The following B3GAT3 variants were observed in gnomAD, a reference collection of about 807,000 sequenced individuals.
B3GAT3 encodes the protein galactosylgalactosylxylosylprotein 3-beta-glucuronosyltransferase 3.
A neutral mutation model predicts 33.1 loss-of-function variants in B3GAT3; 19 were observed. The observed-to-expected ratio is 0.57, with a 90% CI of 0.40 to 0.84. The LOEUF (loss-of-function observed/expected upper bound fraction) is 0.84. B3GAT3 is among the 40% of genes least tolerant of loss of function. The pLI is 0.00. For missense variants in B3GAT3, 344 were observed against 441.5 expected (o/e 0.78, Z 1.98); for synonymous variants, 167 against 193.5 (o/e 0.86, Z 1.14).
Position 62,616,776 on chromosome 11 carries a change from G to C in B3GAT3, c.639C>G (p.Val213=), listed in dbSNP as rs757015238. 6.2e-7 allele frequency: 1 copy of C among 1,614,074 alleles called. No homozygotes were observed. The highest frequency in any genetic ancestry group is 1.7e-5 in the Admixed American group (1 of 60,020). ...LFEEMRWTRG[V]SVWPVGLVGG... is the part of the protein sequence containing the mutation. The stretch of plus-strand genomic sequence containing the variant: ...CCACCAGCCCCACAGGCCACACTGA[G>C]ACACCACGGGTCCAGCGCATCTAAC... The change falls in exon 4 of 5, where the codon GTC becomes GTG. Residue 213 remains valine, a synonymous_variant. Transcript: ENST00000265471.
At chr11:62,617,462 C>A in intron 2 of B3GAT3, 115 bp from the exon 3 acceptor site, 1 of 1,419,892 alleles carries the variant, frequency 7.0e-7, no homozygotes, top group Non-Finnish European at 9.7e-7. Context: ...CCTTCCCAAC[C>A]AATGCCTAAA....
At chr11:62,618,876 G>T (rs574143024) in intron 2 of B3GAT3, among the ~76,000 whole-genome samples, 1 of 152,046 alleles carries the variant, frequency 6.6e-6, no homozygotes, top group Admixed American at 6.6e-5. Flanking sequence ...CCAGCTACTC[G>T]GGGGGCTGAG....
Position 62,615,412 on chromosome 11 carries a change from A to G in B3GAT3, c.*289T>C. ...CATGCCCAGCCCCAATAAGTTACCC[A>G]GTTACTCAGCTGCCCTCCCTCCTGG... On this transcript the variant is annotated 3_prime_UTR_variant, in exon 5 of 5. Transcript: ENST00000265471. 1.8e-6 allele frequency: 1 copy of G among 549,598 alleles called. No individual in the cohort carries two copies. Among genetic ancestry groups the G allele is most frequent in the Non-Finnish European group, 3.3e-6 (1 of 306,782 alleles). 34.0% of individuals were successfully genotyped at this position (549,598 alleles called of 1,614,324 possible). A position where few individuals can be genotyped will look rare whatever the true frequency, so the allele number is the denominator to read the frequency against.
intron 3 of B3GAT3, 75 bp from the exon 4 acceptor site, chr11:62,616,871 C>T: frequency 1.2e-6 from 2 of 1,611,934 alleles, no homozygotes; most frequent in South Asian, 2.2e-5. Context: ...ACCTGGCTCA[C>T]TCTGCCCCAC....
At chr11:62,619,489 A>G (rs981131493) in intron 2 of B3GAT3, among the ~76,000 whole-genome samples, 5 of 152,124 alleles carry the variant, frequency 3.3e-5, no homozygotes, top group African/African-American at 9.7e-5. Flanking sequence ...ACACACTGTA[A>G]GTAACAGCTG....
At position 62,620,641 on chromosome 11, in the gene B3GAT3, C is replaced by T. The variant is rs145349143; in HGVS notation, c.113G>A (p.Arg38Gln). Reference sequence around the variant, plus strand: ...CTGCCGTAGCTGCTCGGCTGCTGCCCGCAGGGGAGGAAGGCAGTCACATGG... The same window carrying T: ...CTGCCGTAGCTGCTCGGCTGCTGCCTGCAGGGGAGGAAGGCAGTCACATGG... ...GQPCDCLPPL[R>Q]AAAEQLRQKD... The change falls in exon 2 of 5, where the codon CGG becomes CAG. Residue 38 changes from arginine to glutamine, a missense_variant. Arg to Gln is a conservative substitution (Grantham distance 43). Coordinates refer to ENST00000265471, the MANE Select transcript of B3GAT3 (RefSeq NM_012200.4). The T allele has an allele frequency of 2.2e-5, 35 of 1,611,894 alleles. No homozygotes were observed. Among genetic ancestry groups the T allele is most frequent in the South Asian group, 3.3e-5 (3 of 90,866 alleles).
intron 2 of B3GAT3, 75 bp downstream of exon 2, chr11:62,620,422 G>T: frequency 7.1e-7 from 1 of 1,403,380 alleles, no homozygotes; most frequent in Non-Finnish European, 1.0e-6. Context: ...CTAGCCCAGT[G>T]CCTCCCCAAA....
At chr11:62,617,591 C>A in intron 2 of B3GAT3, 1 of 592,990 alleles carries the variant, frequency 1.7e-6, no homozygotes, top group East Asian at 2.9e-5. Flanking sequence ...AAATTAAGGG[C>A]ACAGGGCCGG....
At chr11:62,621,438 A>T (rs1050198742) in intron 1 of B3GAT3, 7 of 414,994 alleles carry the variant, frequency 1.7e-5, no homozygotes, top group Non-Finnish European at 3.3e-5. Context: ...TGAGGAGGTG[A>T]CATTTGAGCT....
rs1399710001 is a variant in B3GAT3, at chr11:62,621,243, G to A, written c.83-572C>T. On this transcript the variant is annotated intron_variant, in intron 1 of 4. Transcript: ENST00000265471. ...TGGGGATACAGCAGGGAACAAAACAGACACAGTCCCTGCCCTCATCGAGCT... is the reference window on the plus strand; with the variant it reads ...TGGGGATACAGCAGGGAACAAAACAAACACAGTCCCTGCCCTCATCGAGCT... 10 of 456,680 alleles carry A rather than the reference G, an allele frequency of 2.2e-5. No individual in the cohort carries two copies. In the East Asian group the frequency reaches 6.2e-4, roughly 29 times the overall value. 28.3% of individuals were successfully genotyped at this position (456,680 alleles called of 1,614,324 possible).
chr11:62,618,517 C>T (rs11827317), intron 2 of B3GAT3, among the ~76,000 whole-genome samples: 20 of 151,476 alleles, frequency 1.3e-4, no homozygotes, highest in African/African-American at 4.9e-4. Flanking sequence ...AAAAAATTAG[C>T]TGGGTGTGGT....
At chr11:62,615,856 C>A in intron 4 of B3GAT3, 57 bp from the exon 5 acceptor site, 1 of 1,595,318 alleles carries the variant, frequency 6.3e-7, no homozygotes, top group Non-Finnish European at 8.5e-7. Context: ...GCCTCTGGGT[C>A]CCCGAGCCTG....
At chr11:62,615,972 C>CG (rs758174579) in intron 4 of B3GAT3, 173 bp from the exon 5 acceptor site, 110 of 1,483,188 alleles carry the variant, frequency 7.4e-5, no homozygotes, top group East Asian at 3.0e-4. Context: ...TGGCCGGGCG[C>CG]GTGGCTCACG....
Position 62,615,590 on chromosome 11 carries a change from A to T in B3GAT3, c.*111T>A. 5.2e-6 allele frequency: 8 copies of T among 1,530,432 alleles called. No individual in the cohort carries two copies. The highest frequency in any genetic ancestry group is 7.0e-6 in the Non-Finnish European group (8 of 1,141,028). 94.8% of individuals were successfully genotyped at this position (1,530,432 alleles called of 1,614,324 possible). On this transcript the variant is annotated 3_prime_UTR_variant, in exon 5 of 5. Transcript: ENST00000265471. ...CTGGGCCTGGAGGGGCAGAGGGGCC[A>T]CTTCTGGCTCCAAGGGTCAGGACTT...
At chr11:62,620,402 G>A (rs1056905823) in intron 2 of B3GAT3, 95 bp downstream of exon 2, 16 of 1,181,508 alleles carry the variant, frequency 1.4e-5, no homozygotes, top group Non-Finnish European at 2.0e-5. Flanking sequence ...TCTAGTTTGA[G>A]GAACAACTCC....
At position 62,616,708 on chromosome 11, in the gene B3GAT3, A is replaced by T. The variant is rs1454428915; in HGVS notation, c.707T>A (p.Val236Glu). The T allele has an allele frequency of 6.2e-7, 1 of 1,614,006 alleles. No homozygotes were observed. The highest frequency in any genetic ancestry group is 8.5e-7 in the Non-Finnish European group (1 of 1,179,974). ...CTCCCATGCTGTGTGGAAGCCCACTACCCGGCCGTCCTGTACCTGAGGGCC... is the reference window on the plus strand; with the variant it reads ...CTCCCATGCTGTGTGGAAGCCCACTTCCCGGCCGTCCTGTACCTGAGGGCC... ...FEGPQVQDGRVVGFHTAWEPS... is the reference protein window; with the variant it reads ...FEGPQVQDGREVGFHTAWEPS... The change falls in exon 4 of 5, where the codon GTA becomes GAA. Residue 236 changes from valine (V) to glutamate (E), a missense_variant. Val to Glu is a moderately radical substitution (Grantham distance 121). Coordinates refer to ENST00000265471, the MANE Select transcript of B3GAT3 (RefSeq NM_012200.4).
chr11:62,620,944 C>T (rs1360296892), intron 1 of B3GAT3: 1 of 550,272 alleles, frequency 1.8e-6, no homozygotes. Flanking sequence ...CTAATTTTGC[C>T]TTCTGGGCTT....
chr11:62,619,425 A>T (rs1943099389), intron 2 of B3GAT3, among the ~76,000 whole-genome samples: 1 of 152,142 alleles, frequency 6.6e-6, no homozygotes, highest in African/African-American at 2.4e-5. Flanking sequence ...ATTACATTTG[A>T]TTTAAAACAA....
intron 2 of B3GAT3, chr11:62,617,588 G>C: frequency 1.7e-6 from 1 of 594,970 alleles, no homozygotes; most frequent in Non-Finnish European, 3.0e-6. Context: ...TATAAATTAA[G>C]GGCACAGGGC....
Sources: allele counts gnomAD v4.1 joint callset (sites outside exome capture counted in the v4.1 genomes callset), GRCh38; gene constraint gnomAD v4.1.1; transcripts MANE v1.5; gene names NCBI Gene and HGNC (gene_info 2026-07-23, HGNC 2026-07-21).